HPS1: variants seen among roughly 807,000 people sequenced by gnomAD.
HPS1 encodes the protein BLOC-3 complex member HPS1.
A neutral mutation model predicts 90.6 loss-of-function variants in HPS1; 59 were observed. That is an observed-to-expected ratio of 0.65 (90% CI 0.53 to 0.81). The LOEUF (loss-of-function observed/expected upper bound fraction) is 0.81, where lower values mean the gene tolerates loss of function less well. Ranked by LOEUF, HPS1 falls within the 30% of genes least tolerant of loss-of-function variation. HPS1 has a pLI of 0.00. For missense variants in HPS1, 849 were observed against 896.7 expected (o/e 0.95, Z 0.68); for synonymous variants, 388 against 384.4 (o/e 1.01, Z -0.11).
intron 7 of HPS1, 39 bp downstream of exon 7, chr10:98,431,092 G>A (rs781669033): frequency 1.2e-6 from 2 of 1,609,208 alleles, no homozygotes; most frequent in Non-Finnish European, 1.7e-6. Context: ...GAGAAGGCCA[G>A]GGAGCCTTTA....
chr10:98,436,919 C>T (rs1847420324), intron 3 of HPS1, among the ~76,000 whole-genome samples: 1 of 152,154 alleles, frequency 6.6e-6, no homozygotes, highest in African/African-American at 2.4e-5. Context: ...GTTTTCCTGC[C>T]AACATTCGGG....
chr10:98,428,834 T>C (rs997795553), intron 10 of HPS1, among the ~76,000 whole-genome samples: 1 of 151,840 alleles, frequency 6.6e-6, no homozygotes, highest in African/African-American at 2.4e-5. Context: ...TTTGAATATT[T>C]GTAGTTTTGT....
At chr10:98,430,828 C>T (rs2136209106) in intron 7 of HPS1, among the ~76,000 whole-genome samples, 158 bp from the exon 8 acceptor site, 1 of 152,240 alleles carries the variant, frequency 6.6e-6, no homozygotes. Context: ...CGTCAAATTT[C>T]AAAATAAAAC....
chr10:98,437,907 G>T (rs182849999), intron 3 of HPS1, among the ~76,000 whole-genome samples: 1 of 152,286 alleles, frequency 6.6e-6, no homozygotes, highest in Non-Finnish European at 1.5e-5. Context: ...AATCATGGGG[G>T]TGGTTCCCCC....
In HPS1 at chr10:98,418,264, A is replaced by G. The variant is rs2136084485; in HGVS notation, c.1858-7T>C. The G allele has an allele frequency of 6.4e-7, 1 of 1,562,840 alleles. No individual in the cohort carries two copies. The highest frequency in any genetic ancestry group is 8.8e-7 in the Non-Finnish European group (1 of 1,138,524). ...TCATCTGGAGTTTGTACCCCTGAGG[A>G]GGGAGGACAGGGAGGCAGTGGGTGT... is the stretch of plus-strand genomic sequence containing the variant. On this transcript the variant is annotated splice_polypyrimidine_tract_variant and splice_region_variant and intron_variant, in intron 18 of 19. Coordinates refer to ENST00000361490, the MANE Select transcript of HPS1 (RefSeq NM_000195.5).
chr10:98,415,325 C>G (rs2274245), downstream of HPS1: 3 of 730,034 alleles, frequency 4.1e-6, no homozygotes, highest in Middle Eastern at 4.0e-4. Context: ...GCTGGGCCGT[C>G]GGGAGTGTTG....
At chr10:98,442,712 T>C in intron 3 of HPS1, 1 of 264,844 alleles carries the variant, frequency 3.8e-6, no homozygotes, top group Non-Finnish European at 7.5e-6. Context: ...TTCGCCATGC[T>C]GCCCAGGCTG....
intron 2 of HPS1, among the ~76,000 whole-genome samples, chr10:98,444,715 G>C (rs530837204): frequency 6.6e-6 from 1 of 152,344 alleles, no homozygotes; most frequent in Admixed American, 6.5e-5. Flanking sequence ...TGGTCCCAAG[G>C]TATTTATGGC....
At chr10:98,424,189 G>T in intron 14 of HPS1, 124 bp downstream of exon 14, 1 of 835,360 alleles carries the variant, frequency 1.2e-6, no homozygotes, top group Non-Finnish European at 2.0e-6. Context: ...TATGTGGGAA[G>T]AAATCTCCTT....
chr10:98,440,053 G>C (rs889356905), intron 3 of HPS1, among the ~76,000 whole-genome samples: 1 of 152,154 alleles, frequency 6.6e-6, no homozygotes, highest in Admixed American at 6.5e-5. Flanking sequence ...ATGATTGTAA[G>C]TTTCCTGAGG....
At chr10:98,443,037 A>C in intron 3 of HPS1, 87 bp downstream of exon 3, 1 of 950,262 alleles carries the variant, frequency 1.1e-6, no homozygotes, top group Admixed American at 1.7e-5. Flanking sequence ...CAGGGTGAAC[A>C]CAGGTTTTCC....
At chr10:98,416,108 G>C (rs1311125407), downstream of HPS1, 1 of 152,338 alleles carries the variant, frequency 6.6e-6, no homozygotes, top group Non-Finnish European at 1.5e-5. Flanking sequence ...AGAACTGGGA[G>C]AGTATGTGGA....
At position 98,420,099 on chromosome 10, in the gene HPS1, C is replaced by A. The variant is rs1347633324; in HGVS notation, c.1803G>T (p.Leu601=). The change falls in exon 18 of 20, where the codon CTG becomes CTT. Residue 601 remains leucine (L), a synonymous_variant. Coordinates refer to ENST00000361490, the MANE Select transcript of HPS1 (RefSeq NM_000195.5). ...AGCAGTAGAAATCCCCCTCCTGGAA[C>A]AGCAGCGTGGTGTAGCCCTTCTGCA... ...RYLQKGYTTL[L]FQEGDFYCSY... The A allele has an allele frequency of 6.2e-7, 1 of 1,614,150 alleles. No individual in the cohort carries two copies. Among genetic ancestry groups the A allele is most frequent in the Admixed American group, 1.7e-5 (1 of 60,028 alleles).
chr10:98,433,276 C>T (rs1846781001), intron 6 of HPS1, among the ~76,000 whole-genome samples: 1 of 151,634 alleles, frequency 6.6e-6, no homozygotes, highest in Non-Finnish European at 1.5e-5. Context: ...AGCCCCCATC[C>T]CAGACTCGCT....
In HPS1 at chr10:98,435,115, A is replaced by G; in HGVS notation, c.398+157T>C. The stretch of plus-strand genomic sequence containing the variant: ...ATATAAAGTCAGAGGGTCAGACCAG[A>G]TGGTCTCCAAGGTTCACTTGAGCTG... On this transcript the variant is annotated intron_variant, in intron 5 of 19. Coordinates refer to ENST00000361490, the MANE Select transcript of HPS1 (RefSeq NM_000195.5). This position sits in a 1 kb window ranked among gnomAD's most constrained non-coding sequence, Gnocchi z 4.3. The G allele has an allele frequency of 2.6e-6, 2 of 783,960 alleles. No homozygotes were observed. Among genetic ancestry groups the G allele is most frequent in the South Asian group, 3.2e-5 (2 of 63,164 alleles). 48.6% of individuals were successfully genotyped at this position (783,960 alleles called of 1,614,324 possible).
intron 5 of HPS1, among the ~76,000 whole-genome samples, chr10:98,434,470 C>A (rs1219061780): frequency 6.7e-6 from 1 of 149,990 alleles, no homozygotes; most frequent in Non-Finnish European, 1.5e-5. Context: ...CGGATGCTGG[C>A]AACGTCTGCA....
chr10:98,434,541 T>C (rs1310661677), intron 5 of HPS1, among the ~76,000 whole-genome samples: 3 of 151,350 alleles, frequency 2.0e-5, no homozygotes, highest in African/African-American at 7.3e-5. Context: ...ACTGACACCA[T>C]GACCTATCTG....
intron 17 of HPS1, 103 bp from the exon 18 acceptor site, chr10:98,420,261 G>A: frequency 1.2e-6 from 1 of 825,988 alleles, no homozygotes; most frequent in Non-Finnish European, 2.1e-6. Context: ...AGCTCCGTGA[G>A]TGCCAGGGGC....
intron 10 of HPS1, chr10:98,429,343 C>G (rs1846041948): frequency 6.8e-7 from 1 of 1,463,460 alleles, no homozygotes; most frequent in Admixed American, 2.3e-5. Context: ...ATCAACTTGT[C>G]ATCAACAGCT....
Sources: allele counts gnomAD v4.1 joint callset (sites outside exome capture counted in the v4.1 genomes callset), GRCh38; gene constraint gnomAD v4.1.1; non-coding constraint Gnocchi (gnomAD v3.1); transcripts MANE v1.5; gene names NCBI Gene and HGNC (gene_info 2026-07-23, HGNC 2026-07-21).